Variants in ANO3 observed in about 807,000 individuals in gnomAD.
ANO3 encodes the protein anoctamin-3.
ANO3 carries 99 observed loss-of-function variants against 144.8 expected under a neutral mutation model. The ratio of observed to expected loss-of-function variants is 0.68; its 90% CI spans 0.58 to 0.81. The LOEUF is 0.81. ANO3 is among the 30% of genes least tolerant of loss of function. The probability of loss-of-function intolerance (pLI) is 0.00; values close to 1 mark genes in which losing one functional copy is unlikely to be tolerated. For missense variants in ANO3, 905 were observed against 1,202.2 expected (o/e 0.75, Z 3.66); for synonymous variants, 414 against 392.6 (o/e 1.05, Z -0.64).
intron 6 of ANO3, among the ~76,000 whole-genome samples, chr11:26,522,267 G>C (rs1862113594): frequency 6.6e-6 from 1 of 151,986 alleles, no homozygotes; most frequent in South Asian, 2.1e-4. Context: ...GTTAAACTTA[G>C]ATCACTTTTT....
At chr11:26,379,534 C>G (rs150453533) in intron 1 of ANO3, among the ~76,000 whole-genome samples, 1 of 151,996 alleles carries the variant, frequency 6.6e-6, no homozygotes, top group Non-Finnish European at 1.5e-5. Flanking sequence ...GTAATCTCAG[C>G]ACTTTAGGAG....
chr11:26,339,794 A>C (rs1337362143), intron 1 of ANO3, among the ~76,000 whole-genome samples: 3 of 152,174 alleles, frequency 2.0e-5, no homozygotes, highest in Non-Finnish European at 4.4e-5. Context: ...GCGTGAAATA[A>C]TATTCTTAAC....
intron 21 of ANO3, among the ~76,000 whole-genome samples, chr11:26,639,806 G>A: frequency 6.6e-6 from 1 of 152,090 alleles, no homozygotes; most frequent in Admixed American, 6.6e-5. Flanking sequence ...TGCTTACAGA[G>A]GTGTTGAATG....
At chr11:26,476,758 A>G (rs1229441610) in intron 4 of ANO3, among the ~76,000 whole-genome samples, 1 of 152,092 alleles carries the variant, frequency 6.6e-6, no homozygotes, top group African/African-American at 2.4e-5. Context: ...AGTTTCCCAT[A>G]TCAGAATGGG....
chr11:26,199,543 A>T (rs1851652629), intron 1 of ANO3, among the ~76,000 whole-genome samples: 1 of 152,150 alleles, frequency 6.6e-6, no homozygotes, highest in Non-Finnish European at 1.5e-5. Flanking sequence ...AACCACTGAG[A>T]TATGTCATAT....
intron 1 of ANO3, among the ~76,000 whole-genome samples, chr11:26,291,041 G>A (rs1245635411): frequency 6.6e-6 from 1 of 152,062 alleles, no homozygotes; most frequent in Non-Finnish European, 1.5e-5. Context: ...TGTGTGGGAG[G>A]CTGAGTCTCT....
At chr11:26,222,231 G>A (rs1047133701) in intron 1 of ANO3, among the ~76,000 whole-genome samples, 1 of 152,226 alleles carries the variant, frequency 6.6e-6, no homozygotes, top group African/African-American at 2.4e-5. Context: ...AAACACAGAA[G>A]AGCGGTCATT....
At chr11:26,227,414 A>G (rs12798721) in intron 1 of ANO3, among the ~76,000 whole-genome samples, 46,350 of 151,994 alleles carry the variant, frequency 0.3, 7,748 homozygotes, top group Non-Finnish European at 0.37. Flanking sequence ...TTGATTGTCT[A>G]TGTAATACCA....
At chr11:26,521,955 C>T (rs572938404) in intron 6 of ANO3, among the ~76,000 whole-genome samples, 6 of 152,258 alleles carry the variant, frequency 3.9e-5, no homozygotes, top group East Asian at 3.9e-4. Context: ...GAGGCCGAAG[C>T]GGGTGGATCA....
At chr11:26,365,772 T>C (rs1170854200) in intron 1 of ANO3, among the ~76,000 whole-genome samples, 2 of 152,070 alleles carry the variant, frequency 1.3e-5, no homozygotes, top group Non-Finnish European at 2.9e-5. Flanking sequence ...CATTCTTTTT[T>C]CCTAGTCCTC....
At chr11:26,288,934 T>C (rs1315111283) in intron 1 of ANO3, among the ~76,000 whole-genome samples, 1 of 152,176 alleles carries the variant, frequency 6.6e-6, no homozygotes, top group Non-Finnish European at 1.5e-5. Context: ...AATCTTTGGT[T>C]TTCTGGTAGA....
chr11:26,382,966 TACTTG>T (rs1421173712), intron 1 of ANO3, among the ~76,000 whole-genome samples: 1 of 152,174 alleles, frequency 6.6e-6, no homozygotes, highest in African/African-American at 2.4e-5. Flanking sequence ...GAGTGGAATA[TACTTG>T]ACTTGAGATT....
chr11:26,551,907 A>G (rs1849943025), intron 12 of ANO3, among the ~76,000 whole-genome samples: 1 of 152,018 alleles, frequency 6.6e-6, no homozygotes, highest in Non-Finnish European at 1.5e-5. Context: ...GAGCTATAGT[A>G]TATGTAAGAC....
At chr11:26,544,071 T>A (rs112115284) in intron 11 of ANO3, among the ~76,000 whole-genome samples, 18 of 151,218 alleles carry the variant, frequency 1.2e-4, no homozygotes, top group African/African-American at 4.4e-4. Flanking sequence ...ATGTGCTGGT[T>A]CACCAAGCTA....
intron 14 of ANO3, among the ~76,000 whole-genome samples, chr11:26,595,810 T>C (rs1009377253): frequency 6.6e-6 from 1 of 152,222 alleles, no homozygotes; most frequent in African/African-American, 2.4e-5. Flanking sequence ...GATTTTTGAG[T>C]TAGTAAGCTA....
At chr11:26,391,092 A>G (rs943584128) in intron 1 of ANO3, among the ~76,000 whole-genome samples, 2 of 152,148 alleles carry the variant, frequency 1.3e-5, no homozygotes, top group Non-Finnish European at 2.9e-5. Flanking sequence ...TGAATACTTG[A>G]GACTGGGACA....
chr11:26,437,660 C>G (rs1010700188), intron 1 of ANO3, among the ~76,000 whole-genome samples: 2 of 152,204 alleles, frequency 1.3e-5, no homozygotes, highest in Non-Finnish European at 2.9e-5. Context: ...TGGCCAGCCC[C>G]TCCATAGGTA....
intron 1 of ANO3, among the ~76,000 whole-genome samples, chr11:26,271,579 C>T: frequency 6.6e-6 from 1 of 152,098 alleles, no homozygotes; most frequent in Non-Finnish European, 1.5e-5. Context: ...CACATTTTAT[C>T]ACCCTTCATT....
chr11:26,423,819 A>G (rs1243657462), intron 1 of ANO3, among the ~76,000 whole-genome samples: 1 of 151,964 alleles, frequency 6.6e-6, no homozygotes, highest in African/African-American at 2.4e-5. Context: ...TACGTGAGGA[A>G]CTGTGGAGCA....
Sources: allele counts gnomAD v4.1 joint callset (sites outside exome capture counted in the v4.1 genomes callset), GRCh38; gene constraint gnomAD v4.1.1; transcripts MANE v1.5; gene names NCBI Gene and HGNC (gene_info 2026-07-23, HGNC 2026-07-21).